INSL6: variants seen among roughly 807,000 people sequenced by gnomAD.
The protein encoded by INSL6 is insulin-like peptide INSL6.
Under a neutral mutation model 9.4 loss-of-function variants are expected in INSL6, and 16 were observed. The ratio of observed to expected loss-of-function variants is 1.70; its 90% CI spans 1.15 to 2.59. INSL6 has a LOEUF of 2.59. Among genes scored for constraint, INSL6 ranks in the 30% most tolerant of loss-of-function variants. INSL6 has a pLI of 0.00. For synonymous variants in INSL6, 154 were observed against 96.9 expected, an observed-to-expected ratio of 1.59 and a Z score of -3.46; for missense variants, 391 against 257.3, an observed-to-expected ratio of 1.52 and a Z score of -3.56.
chr9:5,125,148 G>C (rs1823890775), intron 3 of INSL6, among the ~76,000 whole-genome samples: 1 of 151,004 alleles, frequency 6.6e-6, no homozygotes, highest in African/African-American at 2.4e-5. Context: ...ACTCAGAGAA[G>C]ACCACCTCAA....
intron 1 of INSL6, among the ~76,000 whole-genome samples, chr9:5,166,257 T>G (rs1025614801): frequency 6.6e-6 from 1 of 152,200 alleles, no homozygotes; most frequent in Non-Finnish European, 1.5e-5. Context: ...TTCTTAGGCT[T>G]TACAAAGTCT....
In INSL6 at chr9:5,168,962, G is replaced by T. The variant is rs187823779; in HGVS notation, c.290-4697C>A. Among the ~76,000 whole-genome samples, 4 of 147,542 alleles carry T rather than the reference G, an allele frequency of 2.7e-5. No homozygotes were observed. The Admixed American group carries it at 2.7e-4, about 10-fold the overall frequency. On this transcript the variant is annotated intron_variant, in intron 1 of 1. Coordinates refer to ENST00000381641, the MANE Select transcript of INSL6 (RefSeq NM_007179.3). ...TTTTTTGAGATGGAGTTTCACTCTTGTCACCCAGGCTGGAGTACAATGGCA... is the reference window on the plus strand; with the variant it reads ...TTTTTTGAGATGGAGTTTCACTCTTTTCACCCAGGCTGGAGTACAATGGCA...
chr9:5,137,627 AT>A (rs1447009103), intron 2 of INSL6, among the ~76,000 whole-genome samples: 3 of 152,236 alleles, frequency 2.0e-5, no homozygotes, highest in Non-Finnish European at 4.4e-5. Flanking sequence ...ACCTAAATCC[AT>A]AAAAAACCTG....
intron 3 of INSL6, chr9:5,127,132 G>T: frequency 3.7e-6 from 1 of 267,152 alleles, no homozygotes; most frequent in Non-Finnish European, 7.2e-6. Flanking sequence ...ATTTTGCAAT[G>T]TTAAAGATGC....
chr9:5,036,678 G>C, the INSL6 span, among the ~76,000 whole-genome samples: 1 of 152,152 alleles, frequency 6.6e-6, no homozygotes, highest in Admixed American at 6.5e-5. Context: ...GCTGAAACTG[G>C]ATCCCTTCCT....
At chr9:5,033,112 T>C in the INSL6 span, among the ~76,000 whole-genome samples, 297 of 152,238 alleles carry the variant, frequency 2.0e-3, 1 homozygote, top group African/African-American at 6.8e-3. Context: ...CAAGCCTCAG[T>C]AGCCGATTCA....
At position 5,126,716 on chromosome 9, in the gene INSL6, T is replaced by G; in HGVS notation, c.*11-2205A>C. 6.2e-7 allele frequency: 1 copy of G among 1,610,874 alleles called. No homozygotes were observed. Among genetic ancestry groups the G allele is most frequent in the Non-Finnish European group, 8.5e-7 (1 of 1,177,616 alleles). On this transcript the variant is annotated intron_variant, in intron 3 of 3. Coordinates refer to the INSL6 transcript ENST00000649639. ...TGATCATGACAGAATGCTGGAACAA[T>G]AATGTAAATCAACGCCCCTCCTTTA...
At chr9:5,030,083 A>G in the INSL6 span, among the ~76,000 whole-genome samples, 3 of 152,192 alleles carry the variant, frequency 2.0e-5, no homozygotes, top group South Asian at 2.1e-4. Context: ...CTGTTTATAC[A>G]TGTTGTGTAA....
At chr9:5,093,338 GACATATGTTCAACGACCA>G in the INSL6 span, among the ~76,000 whole-genome samples, 1 of 152,134 alleles carries the variant, frequency 6.6e-6, no homozygotes, top group Non-Finnish European at 1.5e-5. Flanking sequence ...CCTGCCCAGT[GACATATGTTCAACGACCA>G]CCATATCCTG....
the INSL6 span, chr9:5,069,175 C>T: frequency 6.2e-7 from 1 of 1,609,050 alleles, no homozygotes; most frequent in Non-Finnish European, 8.5e-7. Context: ...TATAATTTTC[C>T]AGTTTACTAA....
chr9:5,072,706 G>A, the INSL6 span: 90 of 1,061,276 alleles, frequency 8.5e-5, no homozygotes, highest in African/African-American at 1.3e-3. Flanking sequence ...GTACTCATGT[G>A]TGCAGCTTTT....
chr9:5,178,341 C>A (rs955083959), intron 1 of INSL6, among the ~76,000 whole-genome samples: 5 of 152,172 alleles, frequency 3.3e-5, no homozygotes, highest in Non-Finnish European at 7.4e-5. Context: ...TCCCTTTACT[C>A]AGCTGTTCCA....
rs112570900 is a variant in INSL6 at position 5,132,608 on chromosome 9, C to A, written c.*10+817G>T. ...ACCACTTCAGACTTTTCTACATAGA[C>A]ATTCACCCATCAATACTGACAGTGC... On this transcript the variant is annotated intron_variant, in intron 3 of 3. Transcript: ENST00000649639. 2.2e-3 allele frequency among the ~76,000 whole-genome samples: 327 copies of A among 151,884 alleles called. 5 individuals are homozygous for A. Among genetic ancestry groups the A allele is most frequent in the Middle Eastern group, 0.017 (5 of 294 alleles).
At chr9:5,143,541 T>C (rs374676491) in intron 2 of INSL6, among the ~76,000 whole-genome samples, 2 of 152,148 alleles carry the variant, frequency 1.3e-5, no homozygotes, top group Non-Finnish European at 1.5e-5. Flanking sequence ...ATAACCCCCC[T>C]GTCATTTCTG....
At chr9:5,119,420 A>G (rs1273235709), downstream of INSL6, among the ~76,000 whole-genome samples, 1 of 152,042 alleles carries the variant, frequency 6.6e-6, no homozygotes, top group Non-Finnish European at 1.5e-5. Context: ...CTTTGTCATA[A>G]TGAAAGCCTA....
chr9:5,168,871 G>C (rs2381213), intron 1 of INSL6, among the ~76,000 whole-genome samples: 2 of 151,654 alleles, frequency 1.3e-5, no homozygotes, highest in South Asian at 2.1e-4. Flanking sequence ...ACTAACAGCA[G>C]GCCTCTCAGT....
the INSL6 span, among the ~76,000 whole-genome samples, chr9:5,033,254 C>G: frequency 6.6e-6 from 1 of 152,170 alleles, no homozygotes; most frequent in Non-Finnish European, 1.5e-5. Flanking sequence ...TGTGAAAAGA[C>G]CAAATCTACG....
chr9:5,066,537 G>C, the INSL6 span: 1 of 541,580 alleles, frequency 1.8e-6, no homozygotes, highest in Admixed American at 3.2e-5. Flanking sequence ...TTTTTCCTTT[G>C]AAAGATTATT....
chr9:5,008,143 C>G, the INSL6 span, among the ~76,000 whole-genome samples: 3 of 152,230 alleles, frequency 2.0e-5, no homozygotes, highest in African/African-American at 7.2e-5. Context: ...TTGTTCAGTA[C>G]TTTTAAGAAT....
Sources: gnomAD v4.1 joint callset for allele counts (sites outside exome capture counted in the v4.1 genomes callset) on GRCh38, gnomAD v4.1.1 for gene constraint, MANE v1.5 for transcripts, NCBI Gene and HGNC (gene_info 2026-07-23, HGNC 2026-07-21) for gene names.